AK5: variants seen among roughly 807,000 people sequenced by gnomAD.
AK5 encodes adenylate kinase isoenzyme 5.
AK5 carries 27 observed loss-of-function variants against 69.5 expected under a neutral mutation model. The observed-to-expected ratio is 0.39, with a 90% confidence interval of 0.29 to 0.54. The LOEUF is 0.54. AK5 is among the 20% of genes least tolerant of loss of function. The probability of loss-of-function intolerance (pLI) is 0.71; values close to 1 mark genes in which losing one functional copy is unlikely to be tolerated. For missense variants in AK5, 531 were observed against 700.4 expected (o/e 0.76, Z 2.73); for synonymous variants, 260 against 244.4 (o/e 1.06, Z -0.60).
chr1:77,515,532 G>A (rs953028631), intron 10 of AK5, among the ~76,000 whole-genome samples: 4 of 152,206 alleles, frequency 2.6e-5, no homozygotes, highest in Non-Finnish European at 5.9e-5. Context: ...GTGCACTTAC[G>A]ATGTGCAAAG....
At chr1:77,335,384 GT>G (rs11310843) in intron 5 of AK5, among the ~76,000 whole-genome samples, 86,220 of 134,148 alleles carry the variant, frequency 0.64, 25,917 homozygotes, top group East Asian at 0.78. Context: ...AGTTTTTTGG[GT>G]TTTTTTTTTT....
rs1657797007 is a variant in AK5 at position 77,518,545 on chromosome 1, C to T, written c.1148-19C>T. ...CACCAGACTTGGAATGCATGTCTGACACATGACTTCTTTTCAAGGTGGTCC... is the reference window on the plus strand; with the variant it reads ...CACCAGACTTGGAATGCATGTCTGATACATGACTTCTTTTCAAGGTGGTCC... On this transcript the variant is annotated intron_variant, in intron 10 of 13. Coordinates refer to ENST00000354567, the MANE Select transcript of AK5 (RefSeq NM_174858.3). 1 of 1,612,082 alleles carries T rather than the reference C, an allele frequency of 6.2e-7. No homozygotes were observed. The highest frequency in any genetic ancestry group is 8.5e-7 in the Non-Finnish European group (1 of 1,178,852).
At position 77,286,859 on chromosome 1, in the gene AK5, T is replaced by TA. The variant is rs1658382705; in HGVS notation, c.61-80dup. On this transcript the variant is annotated intron_variant, in intron 1 of 13. Coordinates refer to ENST00000354567, the MANE Select transcript of AK5 (RefSeq NM_174858.3). ...GAGACTCTATTTCAAAAAAATTAAT[T>TA]AATTAAATTAAATTAAATTAAAGAA... 4.5e-6 allele frequency: 4 copies of TA among 889,622 alleles called. No homozygotes were observed. The Admixed American group carries it at 1.2e-4, about 28-fold the overall frequency. The allele number at this position is 889,622 out of a possible 1,614,324, so 55.1% of individuals were successfully genotyped here. A position where few individuals can be genotyped will look rare whatever the true frequency, so the allele number is the denominator to read the frequency against.
At chr1:77,397,823 G>T (rs1317664627) in intron 6 of AK5, among the ~76,000 whole-genome samples, 3 of 152,140 alleles carry the variant, frequency 2.0e-5, no homozygotes, top group African/African-American at 7.2e-5. Flanking sequence ...CATCACTTGG[G>T]CCCAGAAGTT....
At chr1:77,443,315 TC>T (rs1406802825) in intron 8 of AK5, among the ~76,000 whole-genome samples, 1 of 152,142 alleles carries the variant, frequency 6.6e-6, no homozygotes, top group African/African-American at 2.4e-5. Context: ...TCCCTAACTG[TC>T]TCCTGTATGC....
chr1:77,376,433 C>CAAAAAAAAAAAAA (rs757594684), intron 6 of AK5, among the ~76,000 whole-genome samples: 5 of 13,436 alleles, frequency 3.7e-4, no homozygotes, highest in Non-Finnish European at 6.8e-4. Flanking sequence ...CACTCAATGC[C>CAAAAAAAAAAAAA]AAAAAAAAAA....
At chr1:77,424,926 A>G (rs1158104700) in intron 8 of AK5, among the ~76,000 whole-genome samples, 1 of 152,240 alleles carries the variant, frequency 6.6e-6, no homozygotes, top group Non-Finnish European at 1.5e-5. Flanking sequence ...ATCTCAGAAA[A>G]TATCAAGCAA....
chr1:77,473,843 G>A (rs1162700456), intron 8 of AK5, among the ~76,000 whole-genome samples: 1 of 152,136 alleles, frequency 6.6e-6, no homozygotes, highest in African/African-American at 2.4e-5. Flanking sequence ...TGCTGTCCCT[G>A]GCATACAGCA....
chr1:77,408,991 C>G (rs148116779), intron 6 of AK5, among the ~76,000 whole-genome samples: 46 of 152,302 alleles, frequency 3.0e-4, no homozygotes, highest in African/African-American at 9.9e-4. Flanking sequence ...TTAGCTCCCA[C>G]TTACAAGTAA....
chr1:77,368,303 A>T (rs1303747540), intron 6 of AK5, among the ~76,000 whole-genome samples: 11 of 95,348 alleles, frequency 1.2e-4, no homozygotes, highest in South Asian at 6.8e-4. Flanking sequence ...GTTATATATA[A>T]TATATATGTT....
At chr1:77,335,386 T>G (rs1330324536) in intron 5 of AK5, among the ~76,000 whole-genome samples, 5 of 15,770 alleles carry the variant, frequency 3.2e-4, no homozygotes, top group Non-Finnish European at 5.2e-4. Flanking sequence ...TTTTTTGGGT[T>G]TTTTTTTTTT....
chr1:77,294,380 C>G (rs1276488124), intron 3 of AK5, among the ~76,000 whole-genome samples: 3 of 134,220 alleles, frequency 2.2e-5, no homozygotes, highest in Non-Finnish European at 4.7e-5. Context: ...GGAGTCCAGC[C>G]TGGGCAACCT....
chr1:77,285,043 AT>A (rs1398689195), intron 1 of AK5, among the ~76,000 whole-genome samples: 2 of 152,200 alleles, frequency 1.3e-5, no homozygotes, highest in African/African-American at 2.4e-5. Flanking sequence ...AGAAGAACAT[AT>A]GGGTTTTGGA....
intron 6 of AK5, among the ~76,000 whole-genome samples, chr1:77,365,372 A>T (rs1646932305): frequency 6.6e-6 from 1 of 152,208 alleles, no homozygotes; most frequent in Admixed American, 6.5e-5. Context: ...GTGCAGTGGC[A>T]CGATCCTAGC....
Position 77,437,450 on chromosome 1 carries a change from T to G in AK5, c.1059+19735T>G, listed in dbSNP as rs527710735. On this transcript the variant is annotated intron_variant, in intron 8 of 13. Coordinates refer to ENST00000354567, the MANE Select transcript of AK5 (RefSeq NM_174858.3). The stretch of plus-strand genomic sequence containing the variant: ...TATAAAAGGACAGTTGAATCCAAAT[T>G]ATATTTCTGACAAAATGGGACCTGT... Among the ~76,000 whole-genome samples the G allele has an allele frequency of 1.5e-4, 23 of 152,220 alleles. 1 individual carries two copies. Among genetic ancestry groups the G allele is most frequent in the Middle Eastern group, 6.8e-3 (2 of 294 alleles).
intron 3 of AK5, among the ~76,000 whole-genome samples, chr1:77,295,501 AT>A (rs1658944703): frequency 1.3e-5 from 2 of 152,322 alleles, no homozygotes; most frequent in East Asian, 3.9e-4. Flanking sequence ...CTGTTACGCC[AT>A]AAACCTCTAT....
intron 6 of AK5, among the ~76,000 whole-genome samples, chr1:77,399,165 G>A (rs956833979): frequency 2.0e-5 from 3 of 152,126 alleles, no homozygotes; most frequent in Admixed American, 6.5e-5. Flanking sequence ...AAAGATTAGC[G>A]AGCAGAATAT....
intron 5 of AK5, among the ~76,000 whole-genome samples, chr1:77,322,583 G>A (rs765954716): frequency 1.3e-5 from 2 of 152,088 alleles, no homozygotes; most frequent in East Asian, 1.9e-4. Flanking sequence ...CTTTAAAAAC[G>A]GTCTTTGAAC....
intron 6 of AK5, among the ~76,000 whole-genome samples, chr1:77,374,418 C>CTTTTTTTTTTTTTTTTTTTTTT (rs34141642): frequency 7.2e-6 from 1 of 138,800 alleles, no homozygotes; most frequent in Non-Finnish European, 1.5e-5. Context: ...TGAGGTAATG[C>CTTTTTTTTTTTTTTTTTTTTTT]TTTTTTTTTT....
Sources: gnomAD v4.1 joint callset for allele counts (sites outside exome capture counted in the v4.1 genomes callset) on GRCh38, gnomAD v4.1.1 for gene constraint, MANE v1.5 for transcripts, NCBI Gene and HGNC (gene_info 2026-07-23, HGNC 2026-07-21) for gene names.